Variants in ANGPT1 observed in about 807,000 individuals in gnomAD.
ANGPT1 encodes the protein angiopoietin-1.
A neutral mutation model predicts 62.2 loss-of-function variants in ANGPT1; 17 were observed. That is an observed-to-expected ratio of 0.27 (90% confidence interval 0.19 to 0.41). The LOEUF (loss-of-function observed/expected upper bound fraction) is 0.41, where lower values mean the gene tolerates loss of function less well. Ranked by LOEUF, ANGPT1 falls within the 10% of genes least tolerant of loss-of-function variation. ANGPT1 has a pLI of 1.00. For missense variants in ANGPT1, 478 were observed against 594.9 expected, an observed-to-expected ratio of 0.80 and a Z score of 2.04; for synonymous variants, 199 against 198.9, an observed-to-expected ratio of 1.00 and a Z score of 0.00.
At chr8:107,252,819 A>G (rs1425178781) in intron 8 of ANGPT1, among the ~76,000 whole-genome samples, 2 of 152,200 alleles carry the variant, frequency 1.3e-5, no homozygotes, top group Admixed American at 1.3e-4. Flanking sequence ...AGATTTTTAG[A>G]TAAAGCATAG....
intron 1 of ANGPT1, among the ~76,000 whole-genome samples, chr8:107,441,564 C>T (rs1383252974): frequency 2.0e-5 from 3 of 152,118 alleles, no homozygotes; most frequent in Admixed American, 6.5e-5. Context: ...GCTCAGGAGT[C>T]GGACAGATCT....
chr8:107,367,157 G>A (rs1254948089), intron 1 of ANGPT1, among the ~76,000 whole-genome samples: 1 of 152,160 alleles, frequency 6.6e-6, no homozygotes, highest in Non-Finnish European at 1.5e-5. Context: ...GACATTATGG[G>A]TTTGGTTCCA....
At chr8:107,275,647 T>C (rs984942929) in intron 7 of ANGPT1, among the ~76,000 whole-genome samples, 1 of 152,178 alleles carries the variant, frequency 6.6e-6, no homozygotes, top group Non-Finnish European at 1.5e-5. Flanking sequence ...TGAACACACG[T>C]ATACATGACT....
At chr8:107,427,550 G>A (rs748393254) in intron 1 of ANGPT1, among the ~76,000 whole-genome samples, 47 of 152,278 alleles carry the variant, frequency 3.1e-4, no homozygotes, top group Non-Finnish European at 5.9e-4. Flanking sequence ...TGTCTTTCAG[G>A]TCAATGTCCA....
chr8:107,310,460 T>A (rs953655475), intron 4 of ANGPT1, among the ~76,000 whole-genome samples: 3 of 152,134 alleles, frequency 2.0e-5, no homozygotes, highest in Admixed American at 6.5e-5. Context: ...CAGCAATACT[T>A]ATCTCTGCTG....
chr8:107,260,140 C>G (rs2130016838), intron 8 of ANGPT1, among the ~76,000 whole-genome samples: 1 of 152,182 alleles, frequency 6.6e-6, no homozygotes, highest in African/African-American at 2.4e-5. Flanking sequence ...AAGATCAAGT[C>G]CTACCTTGGG....
chr8:107,433,306 C>T (rs1029770764), intron 1 of ANGPT1, among the ~76,000 whole-genome samples: 2 of 152,092 alleles, frequency 1.3e-5, no homozygotes, highest in East Asian at 3.9e-4. Context: ...GTAGCAGATA[C>T]ATATCAGGGA....
intron 7 of ANGPT1, among the ~76,000 whole-genome samples, chr8:107,277,353 T>C (rs983913195): frequency 6.6e-6 from 1 of 152,204 alleles, no homozygotes; most frequent in Non-Finnish European, 1.5e-5. Context: ...AATTTTTATA[T>C]AGTTTTCTTT....
intron 4 of ANGPT1, among the ~76,000 whole-genome samples, chr8:107,316,833 A>G (rs1815025081): frequency 6.6e-6 from 1 of 152,126 alleles, no homozygotes; most frequent in South Asian, 2.1e-4. Flanking sequence ...AGACTTAACT[A>G]TCATCTTCCC....
intron 4 of ANGPT1, among the ~76,000 whole-genome samples, chr8:107,310,603 TGACATGAG>T (rs1215021443): frequency 3.3e-5 from 5 of 152,140 alleles, no homozygotes; most frequent in African/African-American, 4.8e-5. Flanking sequence ...AAGAATATGT[TGACATGAG>T]GATAGCAGAG....
At chr8:107,383,438 C>T (rs1213621958) in intron 1 of ANGPT1, among the ~76,000 whole-genome samples, 1 of 152,150 alleles carries the variant, frequency 6.6e-6, no homozygotes, top group Non-Finnish European at 1.5e-5. Context: ...TGAGCTTACT[C>T]ACAACAGGAC....
intron 3 of ANGPT1, among the ~76,000 whole-genome samples, chr8:107,328,522 A>T (rs1210582659): frequency 6.6e-6 from 1 of 152,066 alleles, no homozygotes; most frequent in African/African-American, 2.4e-5. Flanking sequence ...ATTAAAAAAT[A>T]AGTTGGACAA....
At chr8:107,382,032 A>G (rs1400829693) in intron 1 of ANGPT1, among the ~76,000 whole-genome samples, 1 of 152,136 alleles carries the variant, frequency 6.6e-6, no homozygotes, top group Non-Finnish European at 1.5e-5. Flanking sequence ...TTTACTCTAA[A>G]TTATTGACTC....
intron 1 of ANGPT1, among the ~76,000 whole-genome samples, chr8:107,397,656 A>T (rs1417593816): frequency 4.6e-5 from 7 of 152,090 alleles, no homozygotes; most frequent in African/African-American, 1.7e-4. Flanking sequence ...GAGACCGGGG[A>T]AGGTGGTCAA....
intron 1 of ANGPT1, among the ~76,000 whole-genome samples, chr8:107,387,312 T>C (rs547463810): frequency 3.0e-3 from 450 of 152,230 alleles, no homozygotes; most frequent in Non-Finnish European, 5.5e-3. Flanking sequence ...CCTGCTGTAT[T>C]GAAACAAAAT....
At chr8:107,430,109 T>G (rs1027636606) in intron 1 of ANGPT1, among the ~76,000 whole-genome samples, 4 of 152,172 alleles carry the variant, frequency 2.6e-5, no homozygotes, top group African/African-American at 7.2e-5. Flanking sequence ...GTGTGTGTGT[T>G]TTTTATTAGA....
intron 5 of ANGPT1, among the ~76,000 whole-genome samples, chr8:107,301,152 A>C (rs921975440): frequency 6.6e-6 from 1 of 151,988 alleles, no homozygotes; most frequent in Non-Finnish European, 1.5e-5. Context: ...CTGATGATGA[A>C]GTCAAAAAAA....
chr8:107,330,182 T>A (rs1815387285), intron 3 of ANGPT1, among the ~76,000 whole-genome samples: 1 of 152,326 alleles, frequency 6.6e-6, no homozygotes, highest in East Asian at 1.9e-4. Flanking sequence ...GCTGCTCATG[T>A]CAGGCACTGT....
At chr8:107,446,535 G>C (rs981358111) in intron 1 of ANGPT1, among the ~76,000 whole-genome samples, 1 of 152,156 alleles carries the variant, frequency 6.6e-6, no homozygotes, top group Non-Finnish European at 1.5e-5. Flanking sequence ...GGCCTATAAA[G>C]ATAAAGAGGA....
Sources: allele counts gnomAD v4.1 joint callset (sites outside exome capture counted in the v4.1 genomes callset), GRCh38; gene constraint gnomAD v4.1.1; transcripts MANE v1.5; gene names NCBI Gene and HGNC (gene_info 2026-07-23, HGNC 2026-07-21).